Variants in CRYBG3 observed in about 807,000 individuals in gnomAD.
CRYBG3 encodes the protein crystallin beta-gamma domain containing 3, also known as very large A-kinase anchor protein.
In CRYBG3, 127 loss-of-function variants were observed where a neutral mutation model predicts 244.2. The observed-to-expected ratio is 0.52, with a 90% CI of 0.45 to 0.60. CRYBG3 has a LOEUF of 0.60. Among genes scored for constraint, CRYBG3 ranks in the 20% least tolerant of loss-of-function variants. The pLI is 0.00. For synonymous variants in CRYBG3, 1,132 were observed against 1,195.8 expected (o/e 0.95, Z 1.10); for missense variants, 3,325 against 3,442.5 (o/e 0.97, Z 0.85).
intron 2 of CRYBG3, among the ~76,000 whole-genome samples, chr3:97,851,971 C>G (rs2038992779): frequency 6.6e-6 from 1 of 152,072 alleles, no homozygotes; most frequent in South Asian, 2.1e-4. Flanking sequence ...CTGACTTTAA[C>G]AAGTGGGAAT....
chr3:97,872,652 A>G lies in CRYBG3; in HGVS notation c.1458A>G (p.Gln486=). The G allele has an allele frequency of 6.5e-7, 1 of 1,535,986 alleles. No homozygotes were observed. The highest frequency in any genetic ancestry group is 8.7e-7 in the Non-Finnish European group (1 of 1,146,794). ...AAACCATAGATAGCTCATCAAAGCAAGCTGCCACTCACACCAATATCATTG... is the reference window on the plus strand; with the variant it reads ...AAACCATAGATAGCTCATCAAAGCAGGCTGCCACTCACACCAATATCATTG... ...DKQTIDSSSK[Q]AATHTNIIAL... The change falls in exon 4 of 22, where the codon CAA becomes CAG. Residue 486 remains glutamine (Q), a synonymous_variant. Coordinates refer to ENST00000389622, the MANE Select transcript of CRYBG3 (RefSeq NM_153605.4).
chr3:97,874,911 G>C lies in CRYBG3; in HGVS notation c.3717G>C (p.Leu1239=). 2 of 1,535,386 alleles carry C rather than the reference G, an allele frequency of 1.3e-6. No individual in the cohort carries two copies. Among genetic ancestry groups the C allele is most frequent in the Non-Finnish European group, 1.7e-6 (2 of 1,146,666 alleles). ...AAGGTATAATGAATCTGGGTACCCT[G>C]AAAGAAGACATCTCTGAGAAAAACC... ...AIEGIMNLGT[L]KEDISEKNPS... is the part of the protein sequence containing the mutation. Residue 1239 remains leucine, a synonymous_variant, in exon 4 of 22, where the codon CTG becomes CTC. Coordinates refer to ENST00000389622, the MANE Select transcript of CRYBG3 (RefSeq NM_153605.4).
chr3:97,910,502 A>C (rs1161737796), intron 15 of CRYBG3, among the ~76,000 whole-genome samples: 1 of 152,160 alleles, frequency 6.6e-6, no homozygotes, highest in Non-Finnish European at 1.5e-5. Flanking sequence ...GTGGGAGTGA[A>C]CCGATTTTCC....
intron 1 of CRYBG3, among the ~76,000 whole-genome samples, chr3:97,837,831 G>A (rs981525999): frequency 6.6e-6 from 1 of 152,124 alleles, no homozygotes; most frequent in African/African-American, 2.4e-5. Context: ...GCCTCTAGAA[G>A]ACGCTTATGG....
intron 3 of CRYBG3, 63 bp downstream of exon 3, chr3:97,864,710 T>C (rs1339183601): frequency 8.7e-7 from 1 of 1,143,886 alleles, no homozygotes; most frequent in Non-Finnish European, 1.2e-6. Context: ...TTTTGAGCTT[T>C]AGCTTTAATC....
chr3:97,844,342 C>G (rs1478372055), intron 2 of CRYBG3, among the ~76,000 whole-genome samples: 1 of 152,132 alleles, frequency 6.6e-6, no homozygotes, highest in African/African-American at 2.4e-5. Context: ...TGTATGGGCT[C>G]TATAGCTGCT....
At chr3:97,930,475 C>T (rs546867754) in intron 17 of CRYBG3, among the ~76,000 whole-genome samples, 12 of 152,136 alleles carry the variant, frequency 7.9e-5, no homozygotes, top group African/African-American at 2.9e-4. Flanking sequence ...CTAACCTTGC[C>T]TGTGGCCACT....
chr3:97,879,691 T>G lies in CRYBG3; in HGVS notation c.6844-13T>G. 1.3e-6 allele frequency: 2 copies of G among 1,590,502 alleles called. No homozygotes were observed. The highest frequency in any genetic ancestry group is 1.7e-6 in the Non-Finnish European group (2 of 1,166,580). Reference sequence around the variant, plus strand: ...GTTTCTTAAAGCTTACTTTTCCACTTTTATTATTTCAGAATGTTGACAAAC... The same window carrying G: ...GTTTCTTAAAGCTTACTTTTCCACTGTTATTATTTCAGAATGTTGACAAAC... On this transcript the variant is annotated splice_polypyrimidine_tract_variant and intron_variant, in intron 4 of 21. Transcript: ENST00000389622.
intron 7 of CRYBG3, among the ~76,000 whole-genome samples, chr3:97,881,758 A>G (rs977700347): frequency 6.6e-6 from 1 of 151,978 alleles, no homozygotes; most frequent in Non-Finnish European, 1.5e-5. Flanking sequence ...TACATGATGT[A>G]CTATATATAT....
Position 97,876,504 on chromosome 3 carries a change from C to T in CRYBG3, c.5310C>T (p.Ala1770=), listed in dbSNP as rs2039374034. Residue 1770 remains alanine (A), a synonymous_variant, in exon 4 of 22, where the codon GCC becomes GCT. Coordinates refer to ENST00000389622, the MANE Select transcript of CRYBG3 (RefSeq NM_153605.4). ...TAGTAAATACTTACCAAAAAAATGC[C>T]AAAGGTTTTACCGGGAACACTGAAG... The part of the protein sequence containing the change: ...LEVVNTYQKN[A]KGFTGNTEGS... The T allele has an allele frequency of 3.2e-6, 4 of 1,231,844 alleles. No individual in the cohort carries two copies. The highest frequency in any genetic ancestry group is 4.0e-6 in the Non-Finnish European group (4 of 987,926). The allele number at this position is 1,231,844 out of a possible 1,614,324, so 76.3% of individuals were successfully genotyped here. A position where few individuals can be genotyped will look rare whatever the true frequency, so the allele number is the denominator to read the frequency against.
At chr3:97,929,539 T>G (rs1334585909) in intron 17 of CRYBG3, among the ~76,000 whole-genome samples, 3 of 151,884 alleles carry the variant, frequency 2.0e-5, no homozygotes, top group African/African-American at 7.2e-5. Context: ...ACTTATAAAT[T>G]AAATATTTAA....
chr3:97,835,077 T>G (rs1274073872), intron 1 of CRYBG3, among the ~76,000 whole-genome samples: 1 of 152,132 alleles, frequency 6.6e-6, no homozygotes, highest in East Asian at 1.9e-4. Flanking sequence ...AACTTGAATT[T>G]TTTTCACTTA....
intron 17 of CRYBG3, among the ~76,000 whole-genome samples, chr3:97,924,994 C>T (rs570903474): frequency 7.9e-5 from 12 of 151,984 alleles, no homozygotes; most frequent in African/African-American, 2.9e-4. Flanking sequence ...TTTAGTGTAC[C>T]GAATATAAGA....
At chr3:97,912,414 A>G (rs1575960991) in intron 16 of CRYBG3, 138 bp downstream of exon 16, 1 of 451,540 alleles carries the variant, frequency 2.2e-6, no homozygotes, top group South Asian at 5.2e-5. Context: ...ACTGGTCTAT[A>G]TTAATTTTGC....
intron 17 of CRYBG3, 78 bp from the exon 18 acceptor site, chr3:97,933,616 A>C: frequency 7.1e-7 from 1 of 1,409,896 alleles, no homozygotes; most frequent in Non-Finnish European, 9.9e-7. Flanking sequence ...CAATGGATTC[A>C]GGGTACCCTG....
chr3:97,937,679 A>G (rs1245537685), intron 19 of CRYBG3, among the ~76,000 whole-genome samples: 1 of 152,036 alleles, frequency 6.6e-6, no homozygotes, highest in Non-Finnish European at 1.5e-5. Context: ...CTCCCACTCT[A>G]TAGAAAACCC....
intron 11 of CRYBG3, among the ~76,000 whole-genome samples, chr3:97,894,132 C>T (rs1400335716): frequency 3.3e-5 from 5 of 152,070 alleles, no homozygotes; most frequent in African/African-American, 1.2e-4. Flanking sequence ...TCTTGATAAC[C>T]CTGCTGTAAA....
chr3:97,938,540 A>T (rs1010843898), intron 19 of CRYBG3, among the ~76,000 whole-genome samples: 2 of 151,980 alleles, frequency 1.3e-5, no homozygotes, highest in Non-Finnish European at 2.9e-5. Context: ...ACATGCACAC[A>T]TGCACACATG....
In CRYBG3 at chr3:97,874,428, G is replaced by A. The variant is rs2039345476; in HGVS notation, c.3234G>A (p.Lys1078=). 1.3e-6 allele frequency: 2 copies of A among 1,534,858 alleles called. No homozygotes were observed. The highest frequency in any genetic ancestry group is 2.4e-5 in the South Asian group (2 of 83,748). Residue 1078 remains lysine (K), a synonymous_variant, in exon 4 of 22, where the codon AAG becomes AAA. Transcript: ENST00000389622. ...EEVSMIVNSH[K]PQNNLDSIQV... ...TTAGCATGATAGTAAATTCACATAA[G>A]CCCCAAAATAATTTGGATTCTATAC...
Sources: gnomAD v4.1 joint callset for allele counts (sites outside exome capture counted in the v4.1 genomes callset) on GRCh38, gnomAD v4.1.1 for gene constraint, MANE v1.5 for transcripts, NCBI Gene and HGNC (gene_info 2026-07-23, HGNC 2026-07-21) for gene names.